The following BCKDHB variants were observed in gnomAD, a reference collection of about 807,000 sequenced individuals.
BCKDHB encodes the protein branched chain keto acid dehydrogenase E1 subunit beta.
A neutral mutation model predicts 48.5 loss-of-function variants in BCKDHB; 41 were observed. The ratio of observed to expected loss-of-function variants is 0.85; its 90% confidence interval spans 0.66 to 1.10. The LOEUF (loss-of-function observed/expected upper bound fraction) is 1.10. Ranked by LOEUF, BCKDHB falls within the 50% of genes least tolerant of loss-of-function variation. BCKDHB has a pLI of 0.00. For synonymous variants in BCKDHB, 201 were observed against 174.8 expected (o/e 1.15, Z -1.18); for missense variants, 496 against 494.2 (o/e 1.00, Z -0.03).
At chr6:80,226,163 T>G (rs539351299) in intron 8 of BCKDHB, among the ~76,000 whole-genome samples, 2 of 152,240 alleles carry the variant, frequency 1.3e-5, no homozygotes, top group Admixed American at 6.5e-5. Flanking sequence ...AGTGACTATG[T>G]TAACATTTCA....
chr6:80,285,946 G>C (rs1014233222), intron 9 of BCKDHB, among the ~76,000 whole-genome samples: 8 of 151,694 alleles, frequency 5.3e-5, no homozygotes, highest in African/African-American at 1.5e-4. Flanking sequence ...GTGTGTCTCT[G>C]TGTGTGTGTG....
At chr6:80,118,895 T>C (rs915364571) in intron 1 of BCKDHB, among the ~76,000 whole-genome samples, 22 of 152,206 alleles carry the variant, frequency 1.4e-4, no homozygotes, top group African/African-American at 5.3e-4. Context: ...TATCATGAGA[T>C]TGTAGCAATT....
downstream of BCKDHB, among the ~76,000 whole-genome samples, chr6:80,347,655 G>A (rs1405312144): frequency 6.6e-6 from 1 of 152,116 alleles, no homozygotes; most frequent in Admixed American, 6.5e-5. Flanking sequence ...GAAATAGCAA[G>A]TGTGAGAATA....
chr6:80,313,872 T>G (rs1259214293), intron 9 of BCKDHB, among the ~76,000 whole-genome samples: 1 of 152,178 alleles, frequency 6.6e-6, no homozygotes, highest in Non-Finnish European at 1.5e-5. Context: ...CTTGTTAACC[T>G]GAGATCTTTC....
intron 8 of BCKDHB, among the ~76,000 whole-genome samples, chr6:80,228,985 T>C (rs1418268320): frequency 6.6e-6 from 1 of 152,208 alleles, no homozygotes; most frequent in East Asian, 1.9e-4. Flanking sequence ...TAGCAAGGAC[T>C]GGCCACTGAA....
chr6:80,189,237 C>G (rs1773786065), intron 6 of BCKDHB, among the ~76,000 whole-genome samples: 1 of 151,938 alleles, frequency 6.6e-6, no homozygotes. Flanking sequence ...TTATATATAC[C>G]TTTAATTTTT....
At chr6:80,156,814 A>C (rs2127760654) in intron 3 of BCKDHB, among the ~76,000 whole-genome samples, 1 of 152,290 alleles carries the variant, frequency 6.6e-6, no homozygotes, top group African/African-American at 2.4e-5. Flanking sequence ...TCAAACTCAA[A>C]GCTTTGTTGG....
Position 80,327,363 on chromosome 6 carries a change from C to T in BCKDHB, c.1039-16301C>T, listed in dbSNP as rs543329911. 9.5e-4 allele frequency among the ~76,000 whole-genome samples: 145 copies of T among 152,224 alleles called. 1 individual carries two copies. Among genetic ancestry groups the T allele is most frequent in the Non-Finnish European group, 6.2e-4 (42 of 68,014 alleles). ...ACAGAATGGTTGTATGAGTAAAGTA[C>T]GGTTTCTACTGAATACATTTTGCTT... On this transcript the variant is annotated intron_variant, in intron 9 of 9. Transcript: ENST00000320393.
Position 80,236,620 on chromosome 6 carries a change from T to C in BCKDHB, c.951+33408T>C, listed in dbSNP as rs73482039. 5.2e-3 allele frequency among the ~76,000 whole-genome samples: 788 copies of C among 152,298 alleles called. 8 individuals carry two copies. The highest frequency in any genetic ancestry group is 0.018 in the African/African-American group (756 of 41,574). On this transcript the variant is annotated intron_variant, in intron 8 of 9. Coordinates refer to ENST00000320393, the MANE Select transcript of BCKDHB (RefSeq NM_183050.4). ...CCTTACATTAGCAGAGGTAGTTACATTGAAAATACTGAGTCATTGAGAGGT... is the reference window on the plus strand; with the variant it reads ...CCTTACATTAGCAGAGGTAGTTACACTGAAAATACTGAGTCATTGAGAGGT...
At chr6:80,428,651 G>A in the BCKDHB span, among the ~76,000 whole-genome samples, 4 of 152,128 alleles carry the variant, frequency 2.6e-5, no homozygotes, top group East Asian at 7.7e-4. Context: ...CATGTTTGTT[G>A]GCTGCATAAA....
At chr6:80,138,323 A>G (rs1396188291) in intron 3 of BCKDHB, among the ~76,000 whole-genome samples, 1 of 152,104 alleles carries the variant, frequency 6.6e-6, no homozygotes, top group East Asian at 1.9e-4. Flanking sequence ...TTTAAGTTTT[A>G]GGGTACATAT....
chr6:80,424,476 T>C, the BCKDHB span, among the ~76,000 whole-genome samples: 1 of 152,202 alleles, frequency 6.6e-6, no homozygotes, highest in African/African-American at 2.4e-5. Flanking sequence ...AACTACATCA[T>C]TTGATATTAT....
At chr6:80,268,223 G>A (rs959723664) in intron 8 of BCKDHB, among the ~76,000 whole-genome samples, 4 of 152,002 alleles carry the variant, frequency 2.6e-5, no homozygotes, top group Non-Finnish European at 4.4e-5. Flanking sequence ...ACAAGAAAAC[G>A]TCTCAAAAAA....
intron 9 of BCKDHB, among the ~76,000 whole-genome samples, chr6:80,331,732 A>T (rs570206597): frequency 3.6e-4 from 55 of 152,352 alleles, no homozygotes; most frequent in Admixed American, 2.7e-3. Flanking sequence ...TTTGCTCTGC[A>T]GCTGTGTTTA....
intron 8 of BCKDHB, among the ~76,000 whole-genome samples, chr6:80,248,894 GTGTGTGTA>G (rs973713546): frequency 2.3e-4 from 14 of 61,452 alleles, no homozygotes; most frequent in African/African-American, 8.7e-4. Context: ...GTTTGTGTGT[GTGTGTGTA>G]TGTGTGTGTG....
At chr6:80,186,018 T>A (rs1219468584) in intron 6 of BCKDHB, among the ~76,000 whole-genome samples, 1 of 152,184 alleles carries the variant, frequency 6.6e-6, no homozygotes, top group African/African-American at 2.4e-5. Context: ...TTCTGTTATG[T>A]CTTGAGTTGG....
chr6:80,450,806 G>A, the BCKDHB span, among the ~76,000 whole-genome samples: 4 of 152,100 alleles, frequency 2.6e-5, no homozygotes, highest in Admixed American at 2.0e-4. Context: ...TCCAAACGGG[G>A]TAGATTCACA....
chr6:80,200,903 T>C (rs777476041), intron 6 of BCKDHB, 31 bp from the exon 7 acceptor site: 2 of 1,501,086 alleles, frequency 1.3e-6, no homozygotes, highest in East Asian at 4.5e-5. Context: ...AGAAAAAATG[T>C]CCTTTTTTTT....
intron 9 of BCKDHB, among the ~76,000 whole-genome samples, chr6:80,282,321 A>G (rs950669951): frequency 2.2e-4 from 34 of 152,190 alleles, no homozygotes; most frequent in African/African-American, 7.7e-4. Context: ...ATGTGAATGT[A>G]TTAATAGAAA....
Sources: gnomAD v4.1 joint callset for allele counts (sites outside exome capture counted in the v4.1 genomes callset) on GRCh38, gnomAD v4.1.1 for gene constraint, MANE v1.5 for transcripts, NCBI Gene and HGNC (gene_info 2026-07-23, HGNC 2026-07-21) for gene names.